Variants in NBAS observed in about 807,000 individuals in gnomAD.
NBAS encodes NBAS subunit of NRZ tethering complex, also known as NAG/BC035112 fusion.
NBAS carries 219 observed loss-of-function variants against 302.5 expected under a neutral mutation model. That is an observed-to-expected ratio of 0.72 (90% CI 0.65 to 0.81). The LOEUF (loss-of-function observed/expected upper bound fraction) is 0.81. Ranked by LOEUF, NBAS falls within the 30% of genes least tolerant of loss-of-function variation. The pLI is 0.00. For synonymous variants in NBAS, 1,118 were observed against 1,021.6 expected (o/e 1.09, Z -1.80); for missense variants, 2,932 against 2,841.6 (o/e 1.03, Z -0.72).
the NBAS span, among the ~76,000 whole-genome samples, chr2:14,919,160 G>T: frequency 6.6e-6 from 1 of 152,020 alleles, no homozygotes; most frequent in Non-Finnish European, 1.5e-5. Context: ...ATCTCACCTT[G>T]GAAATATTCA....
At chr2:15,348,870 C>CG (rs749053639) in intron 35 of NBAS, among the ~76,000 whole-genome samples, 10 of 152,058 alleles carry the variant, frequency 6.6e-5, no homozygotes, top group Admixed American at 3.9e-4. Flanking sequence ...GACAATACCA[C>CG]GTCACACCGT....
the NBAS span, among the ~76,000 whole-genome samples, chr2:15,003,887 C>T: frequency 1.3e-5 from 2 of 152,306 alleles, no homozygotes; most frequent in Admixed American, 1.3e-4. Context: ...TCTCTCGCTG[C>T]TGAAAGATAA....
the NBAS span, among the ~76,000 whole-genome samples, chr2:15,040,358 G>A: frequency 6.6e-6 from 1 of 152,132 alleles, no homozygotes. Flanking sequence ...AACAGGTAGG[G>A]ATCTCTGATT....
At chr2:15,439,090 T>C (rs1056229022) in intron 21 of NBAS, among the ~76,000 whole-genome samples, 167 of 152,180 alleles carry the variant, frequency 1.1e-3, no homozygotes, top group African/African-American at 3.9e-3. Context: ...GGTCTGCAGA[T>C]CGAGACCATC....
chr2:15,446,732 G>A (rs1168626457), intron 21 of NBAS, among the ~76,000 whole-genome samples: 1 of 151,980 alleles, frequency 6.6e-6, no homozygotes, highest in African/African-American at 2.4e-5. Context: ...AAAGTTAAAT[G>A]TATGGCAACA....
chr2:15,307,356 C>T (rs530582462), intron 40 of NBAS, among the ~76,000 whole-genome samples: 1 of 152,268 alleles, frequency 6.6e-6, no homozygotes, highest in Non-Finnish European at 1.5e-5. Flanking sequence ...ACAGACAGTA[C>T]ATGCTTTGGG....
intron 49 of NBAS, among the ~76,000 whole-genome samples, chr2:15,188,726 A>G (rs1335270447): frequency 6.6e-6 from 1 of 152,240 alleles, no homozygotes; most frequent in Non-Finnish European, 1.5e-5. Context: ...TGTTTTAAGT[A>G]AAGCTGATTT....
the NBAS span, among the ~76,000 whole-genome samples, chr2:14,909,319 CAAA>C: frequency 4.3e-5 from 2 of 46,702 alleles, no homozygotes; most frequent in Admixed American, 2.7e-4. Context: ...GACTCCGTCT[CAAA>C]AAAAAAAAAA....
Position 15,361,098 on chromosome 2 carries a change from C to A in NBAS, c.3818-4682G>T, listed in dbSNP as rs149275269. 2.4e-3 allele frequency among the ~76,000 whole-genome samples: 361 copies of A among 152,240 alleles called. 2 individuals are homozygous for A. The highest frequency in any genetic ancestry group is 2.9e-3 in the Non-Finnish European group (198 of 68,016). ...TAACGTGTTATAACGGCTGATGTCA[C>A]TAGGCGATAGGAATTTTCAGCTCTA... On this transcript the variant is annotated intron_variant, in intron 32 of 51. Transcript: ENST00000281513.
At chr2:14,966,363 T>A in the NBAS span, among the ~76,000 whole-genome samples, 3 of 152,218 alleles carry the variant, frequency 2.0e-5, no homozygotes, top group African/African-American at 7.2e-5. Context: ...TTAACACACT[T>A]GTTAAAAATA....
the NBAS span, among the ~76,000 whole-genome samples, chr2:14,817,342 C>T: frequency 6.6e-6 from 1 of 152,196 alleles, no homozygotes; most frequent in Non-Finnish European, 1.5e-5. Context: ...GGACCATTAA[C>T]TCTGAGATGC....
intron 48 of NBAS, among the ~76,000 whole-genome samples, chr2:15,199,660 C>T (rs1665786054): frequency 6.6e-6 from 1 of 151,894 alleles, no homozygotes; most frequent in African/African-American, 2.4e-5. Context: ...ATGATAAAGT[C>T]AAAATAATAC....
the NBAS span, among the ~76,000 whole-genome samples, chr2:14,963,443 A>G: frequency 1.8e-4 from 27 of 152,322 alleles, 1 homozygote; most frequent in African/African-American, 6.3e-4. Flanking sequence ...GGCCCCTTAT[A>G]GAAATCATTT....
rs1558421845 is a variant in NBAS, at chr2:15,188,941, G to A, written c.6572+1323C>T. 2.6e-5 allele frequency among the ~76,000 whole-genome samples: 4 copies of A among 152,128 alleles called. No individual in the cohort carries two copies. In the South Asian group the frequency reaches 8.3e-4, roughly 32 times the overall value. On this transcript the variant is annotated intron_variant, in intron 49 of 51. Coordinates refer to ENST00000281513, the MANE Select transcript of NBAS (RefSeq NM_015909.4). ...AATCTGATCAGTGGGCTCCACACCTGTCTCACATAGTCTCACCCAGGAGTG... is the reference window on the plus strand; with the variant it reads ...AATCTGATCAGTGGGCTCCACACCTATCTCACATAGTCTCACCCAGGAGTG...
At chr2:15,261,151 A>G (rs998477289) in intron 44 of NBAS, among the ~76,000 whole-genome samples, 17 of 152,094 alleles carry the variant, frequency 1.1e-4, no homozygotes, top group African/African-American at 3.4e-4. Context: ...ACAATAAATC[A>G]CTTTATGTTT....
the NBAS span, among the ~76,000 whole-genome samples, chr2:15,100,469 A>T: frequency 6.6e-6 from 1 of 152,170 alleles, no homozygotes; most frequent in East Asian, 1.9e-4. Context: ...ATATAACAGG[A>T]AAAGGGAAAT....
chr2:15,300,971 T>C (rs541608544), intron 40 of NBAS, among the ~76,000 whole-genome samples: 1 of 152,226 alleles, frequency 6.6e-6, no homozygotes, highest in Admixed American at 6.5e-5. Flanking sequence ...GAACATAAGC[T>C]TCAAAAGAAG....
intron 42 of NBAS, among the ~76,000 whole-genome samples, chr2:15,277,543 C>G (rs1669641600): frequency 6.6e-6 from 1 of 151,948 alleles, no homozygotes; most frequent in African/African-American, 2.4e-5. Flanking sequence ...CAGAAAAAAC[C>G]CTAAACTTTC....
chr2:15,458,517 T>C (rs747686679), intron 21 of NBAS, among the ~76,000 whole-genome samples: 11 of 152,078 alleles, frequency 7.2e-5, no homozygotes, highest in Non-Finnish European at 1.2e-4. Context: ...CCCCCTTTTC[T>C]CTCTTGCTTC....
Sources: gnomAD v4.1 joint callset for allele counts (sites outside exome capture counted in the v4.1 genomes callset) on GRCh38, gnomAD v4.1.1 for gene constraint, MANE v1.5 for transcripts, NCBI Gene and HGNC (gene_info 2026-07-23, HGNC 2026-07-21) for gene names.